Variants in ZFYVE16 observed in about 807,000 individuals in gnomAD.
ZFYVE16 encodes zinc finger FYVE domain-containing protein 16.
In ZFYVE16, 89 loss-of-function variants were observed where a neutral mutation model predicts 138.1. That is an observed-to-expected ratio of 0.64 (90% CI 0.54 to 0.77). The LOEUF is 0.77. Among genes scored for constraint, ZFYVE16 ranks in the 30% least tolerant of loss-of-function variants. The pLI is 0.00. For missense variants in ZFYVE16, 1,793 were observed against 1,786.7 expected (o/e 1.00, Z -0.06); for synonymous variants, 596 against 618.3 (o/e 0.96, Z 0.53).
intron 1 of ZFYVE16, among the ~76,000 whole-genome samples, chr5:80,419,668 C>T (rs766248463): frequency 6.6e-6 from 1 of 152,046 alleles, no homozygotes; most frequent in Non-Finnish European, 1.5e-5. Flanking sequence ...TGAGCCACTG[C>T]GCCTGGCTGA....
Position 80,445,926 on chromosome 5 carries a change from G to A in ZFYVE16, c.2724+521G>A, listed in dbSNP as rs1439249074. Among the ~76,000 whole-genome samples, 38 of 136,406 alleles carry A rather than the reference G, an allele frequency of 2.8e-4. No individual in the cohort carries two copies. In the South Asian group the frequency reaches 3.1e-3, roughly 11 times the overall value. The allele number at this position is 136,406 out of a possible 152,430, so 89.5% of individuals were successfully genotyped here. On this transcript the variant is annotated intron_variant, in intron 7 of 18. Transcript: ENST00000505560. Reference sequence around the variant, plus strand: ...CTTTTTTTTTTTTTTTTGAGATGGAGTTTCTGTTGCCCAGGCTGGAGTGCA... The same window carrying A: ...CTTTTTTTTTTTTTTTTGAGATGGAATTTCTGTTGCCCAGGCTGGAGTGCA...
chr5:80,429,437 G>T (rs911612846), intron 2 of ZFYVE16, among the ~76,000 whole-genome samples: 4 of 152,198 alleles, frequency 2.6e-5, no homozygotes, highest in Non-Finnish European at 5.9e-5. Context: ...CTGTACAAGA[G>T]CTCCTGAAGG....
At chr5:80,447,728 A>G (rs1437594942) in intron 7 of ZFYVE16, among the ~76,000 whole-genome samples, 2 of 152,124 alleles carry the variant, frequency 1.3e-5, no homozygotes, top group African/African-American at 4.8e-5. Flanking sequence ...GTGATATGGT[A>G]TGGGATCTTG....
chr5:80,441,817 T>C, intron 5 of ZFYVE16: 1 of 985,410 alleles, frequency 1.0e-6, no homozygotes, highest in African/African-American at 1.7e-5. Flanking sequence ...TGAGGAAGAT[T>C]GTTTTAGCAG....
At chr5:80,470,101 ATTTTT>A (rs1185797719) in intron 15 of ZFYVE16, among the ~76,000 whole-genome samples, 1 of 108,564 alleles carries the variant, frequency 9.2e-6, no homozygotes, top group Non-Finnish European at 1.7e-5. Flanking sequence ...GTGTGTGTGT[ATTTTT>A]TTTTTTTTTT....
intron 1 of ZFYVE16, among the ~76,000 whole-genome samples, chr5:80,426,266 GTGTGTGTATA>G (rs758109877): frequency 0.041 from 2,249 of 54,944 alleles, 40 homozygotes; most frequent in Non-Finnish European, 0.058. Context: ...GTGTGTGTGT[GTGTGTGTATA>G]TATATATATA....
intron 1 of ZFYVE16, among the ~76,000 whole-genome samples, chr5:80,411,428 AT>A (rs548861849): frequency 2.6e-5 from 4 of 151,958 alleles, no homozygotes; most frequent in South Asian, 2.1e-4. Context: ...GCATTTGTTA[AT>A]TTTTTTTACA....
At chr5:80,420,094 G>C (rs1746895371) in intron 1 of ZFYVE16, among the ~76,000 whole-genome samples, 1 of 147,702 alleles carries the variant, frequency 6.8e-6, no homozygotes, top group Admixed American at 6.8e-5. Flanking sequence ...ACAGGCGTGA[G>C]CCAGCGCGCC....
chr5:80,419,494 C>A (rs1057206920), intron 1 of ZFYVE16, among the ~76,000 whole-genome samples: 1 of 152,186 alleles, frequency 6.6e-6, no homozygotes, highest in Non-Finnish European at 1.5e-5. Flanking sequence ...GTGAGTCCTC[C>A]AACTTTGTTC....
In ZFYVE16 at chr5:80,470,099, G is replaced by GTGTGTGTGTGTA. The variant is rs1327173079; in HGVS notation, c.4025-2661_4025-2660insGTGTGTGTGTAT. ...TGTGTGTGTGTGTGTGTGTGTGTGT[G>GTGTGTGTGTGTA]TATTTTTTTTTTTTTTTTTTGAGAC... On this transcript the variant is annotated intron_variant, in intron 15 of 18. Transcript: ENST00000505560. Among the ~76,000 whole-genome samples the GTGTGTGTGTGTA allele has an allele frequency of 2.5e-3, 307 of 121,150 alleles. 2 individuals carry two copies. The highest frequency in any genetic ancestry group is 0.01 in the African/African-American group (297 of 29,460). 79.5% of individuals were successfully genotyped at this position (121,150 alleles called of 152,430 possible).
intron 15 of ZFYVE16, among the ~76,000 whole-genome samples, chr5:80,467,139 T>C (rs1053167786): frequency 6.6e-6 from 1 of 152,164 alleles, no homozygotes; most frequent in Non-Finnish European, 1.5e-5. Context: ...TCAGGGAGTG[T>C]TTGTCGAAAT....
Position 80,447,931 on chromosome 5 carries a change from T to C in ZFYVE16, c.2725-95T>C, listed in dbSNP as rs555555755. On this transcript the variant is annotated intron_variant, in intron 7 of 18. Coordinates refer to ENST00000505560, the MANE Select transcript of ZFYVE16 (RefSeq NM_001284236.3). ...ACGCATTTTGGTTTTTATTTATTCT[T>C]ATTAAAAAGATATGTTTGGCTATAG... 244 of 1,135,542 alleles carry C rather than the reference T, an allele frequency of 2.1e-4. No individual in the cohort carries two copies. The African/African-American group carries it at 3.6e-3, about 17-fold the overall frequency. The allele number at this position is 1,135,542 out of a possible 1,614,324, so 70.3% of individuals were successfully genotyped here. A position where few individuals can be genotyped will look rare whatever the true frequency, so the allele number is the denominator to read the frequency against.
intron 2 of ZFYVE16, among the ~76,000 whole-genome samples, chr5:80,430,918 A>G (rs1479784529): frequency 2.0e-5 from 3 of 152,244 alleles, no homozygotes; most frequent in African/African-American, 7.2e-5. Flanking sequence ...ATAGATCAAT[A>G]ACAGGCTCTG....
intron 1 of ZFYVE16, among the ~76,000 whole-genome samples, chr5:80,414,776 G>A (rs1010046243): frequency 2.0e-5 from 3 of 152,194 alleles, no homozygotes; most frequent in African/African-American, 4.8e-5. Context: ...TTGGGAGTTT[G>A]TAAAGTAAAT....
rs1750490641 is a variant in ZFYVE16, at chr5:80,440,024, T to G, written c.2411T>G (p.Ile804Ser). 6.2e-7 allele frequency: 1 copy of G among 1,607,148 alleles called. No individual in the cohort carries two copies. Among genetic ancestry groups the G allele is most frequent in the Admixed American group, 1.7e-5 (1 of 59,116 alleles). Reference protein sequence around the residue: ...ARVCVVCYETISKAQAFERMM... With the variant: ...ARVCVVCYETSSKAQAFERMM... The stretch of plus-strand genomic sequence containing the variant: ...GTATGTGTAGTCTGCTATGAAACTA[T>G]TAGTAAAGGTGAGTATTAACTTGAT... The change falls in exon 5 of 19, where the codon ATT becomes AGT. Residue 804 changes from isoleucine to serine, a missense_variant. Around this residue, in one of 2 missense-constraint regions of ZFYVE16, gnomAD observed 1,295 missense variants for 1,204.3 expected, o/e 1.08. Coordinates refer to ENST00000505560, the MANE Select transcript of ZFYVE16 (RefSeq NM_001284236.3).
chr5:80,449,887 G>A (rs1751799027), intron 9 of ZFYVE16, among the ~76,000 whole-genome samples, 174 bp downstream of exon 9: 1 of 152,112 alleles, frequency 6.6e-6, no homozygotes, highest in South Asian at 2.1e-4. Context: ...AGTAGGACTT[G>A]AAACATGAGC....
chr5:80,418,246 C>A (rs28793359), intron 1 of ZFYVE16, among the ~76,000 whole-genome samples: 5,219 of 148,910 alleles, frequency 0.035, 178 homozygotes, highest in African/African-American at 0.088. Context: ...TTCTCCTCTC[C>A]TCTTTCCTTT....
chr5:80,470,127 A>T (rs1754216217), intron 15 of ZFYVE16, among the ~76,000 whole-genome samples: 1 of 111,162 alleles, frequency 9.0e-6, no homozygotes, highest in Non-Finnish European at 1.8e-5. Context: ...TTTGAGACAG[A>T]GTCTCACCCT....
At chr5:80,432,320 A>G (rs1356688442) in intron 2 of ZFYVE16, among the ~76,000 whole-genome samples, 4 of 152,220 alleles carry the variant, frequency 2.6e-5, no homozygotes, top group Admixed American at 6.5e-5. Context: ...ACCTGACAAA[A>G]ACAAGAAATG....
Sources: gnomAD v4.1 joint callset for allele counts (sites outside exome capture counted in the v4.1 genomes callset) on GRCh38, gnomAD v4.1.1 for gene constraint, gnomAD v4.1.1 regional missense constraint, MANE v1.5 for transcripts, NCBI Gene and HGNC (gene_info 2026-07-23, HGNC 2026-07-21) for gene names.